PTPRO: variants seen among roughly 807,000 people sequenced by gnomAD.
The protein encoded by PTPRO is protein tyrosine phosphatase receptor type O.
Under a neutral mutation model 145.2 loss-of-function variants are expected in PTPRO, and 62 were observed. The ratio of observed to expected loss-of-function variants is 0.43; its 90% CI spans 0.35 to 0.53. The LOEUF is 0.53. Among genes scored for constraint, PTPRO ranks in the 20% least tolerant of loss-of-function variants. PTPRO has a pLI of 0.01. For missense variants in PTPRO, 1,345 were observed against 1,482.7 expected (o/e 0.91, Z 1.53); for synonymous variants, 565 against 514.7 (o/e 1.10, Z -1.32).
chr12:15,482,821 C>G (rs1055111367), intron 1 of PTPRO, among the ~76,000 whole-genome samples: 11 of 152,014 alleles, frequency 7.2e-5, no homozygotes, highest in African/African-American at 2.7e-4. Flanking sequence ...AGTGTTAGGA[C>G]AGTAAGTTAA....
intron 2 of PTPRO, among the ~76,000 whole-genome samples, chr12:15,487,652 G>A (rs1470381477): frequency 6.6e-6 from 1 of 152,076 alleles, no homozygotes; most frequent in Non-Finnish European, 1.5e-5. Flanking sequence ...ATGAGCATGG[G>A]GTAGAGGCCC....
intron 18 of PTPRO, among the ~76,000 whole-genome samples, chr12:15,566,687 A>G (rs1943907369): frequency 6.6e-6 from 1 of 151,868 alleles, no homozygotes; most frequent in Admixed American, 6.6e-5. Flanking sequence ...TGCCTGGCTG[A>G]TTTTTGTATT....
intron 15 of PTPRO, among the ~76,000 whole-genome samples, chr12:15,553,186 C>T (rs554303179): frequency 2.0e-5 from 3 of 152,190 alleles, no homozygotes; most frequent in South Asian, 4.1e-4. Context: ...AATATTGCTA[C>T]ATATATGACA....
intron 3 of PTPRO, among the ~76,000 whole-genome samples, chr12:15,497,976 C>A (rs769278509): frequency 2.0e-4 from 30 of 151,776 alleles, no homozygotes; most frequent in Non-Finnish European, 3.7e-4. Context: ...AAATCAACTT[C>A]TCTGGGTGGA....
rs557359754 is a variant in PTPRO at position 15,470,992 on chromosome 12, A to G, written c.76-12982A>G. Among the ~76,000 whole-genome samples, 5 of 152,312 alleles carry G rather than the reference A, an allele frequency of 3.3e-5. No homozygotes were observed. In the South Asian group the frequency reaches 1.0e-3, roughly 32 times the overall value. On this transcript the variant is annotated intron_variant, in intron 1 of 26. Transcript: ENST00000281171. The stretch of plus-strand genomic sequence containing the variant: ...GTACCCTCCAGTCTGCTAACATTCC[A>G]TCATTTGTATCCTCTTACACCTGGC...
At chr12:15,583,005 G>A (rs1944353381) in intron 23 of PTPRO, among the ~76,000 whole-genome samples, 1 of 152,140 alleles carries the variant, frequency 6.6e-6, no homozygotes, top group Non-Finnish European at 1.5e-5. Flanking sequence ...TTCTCCACTT[G>A]AACATGCTGT....
Position 15,322,721 on chromosome 12 carries a change from G to T in PTPRO, c.-6G>T. On this transcript the variant is annotated 5_prime_UTR_variant, in exon 1 of 27. Coordinates refer to ENST00000281171, the MANE Select transcript of PTPRO (RefSeq NM_030667.3). The surrounding 1 kb of genome is among the most constrained non-coding windows in gnomAD (Gnocchi z 6.3). ...GCCGTGCCCCCGAGTCCCCGTCCGC[G>T]CAGCGATGGGGCACCTGCCCACGGG... The T allele has an allele frequency of 5.0e-6, 8 of 1,610,666 alleles. No individual in the cohort carries two copies. Among genetic ancestry groups the T allele is most frequent in the Non-Finnish European group, 6.8e-6 (8 of 1,178,718 alleles).
intron 1 of PTPRO, among the ~76,000 whole-genome samples, chr12:15,456,266 T>C (rs2136388099): frequency 6.6e-6 from 1 of 152,310 alleles, no homozygotes; most frequent in South Asian, 2.1e-4. Flanking sequence ...ACATGGTATA[T>C]CACATTAGTT....
intron 1 of PTPRO, among the ~76,000 whole-genome samples, chr12:15,374,302 C>T (rs1400785429): frequency 2.0e-5 from 3 of 152,080 alleles, no homozygotes; most frequent in Non-Finnish European, 4.4e-5. Context: ...TGAGGATTTC[C>T]ATAAATCCAC....
chr12:15,362,003 T>C (rs1339041753), intron 1 of PTPRO, among the ~76,000 whole-genome samples: 1 of 152,150 alleles, frequency 6.6e-6, no homozygotes, highest in African/African-American at 2.4e-5. Flanking sequence ...AACTACAGTG[T>C]CCAAATCATA....
At chr12:15,412,055 C>T (rs1210299050) in intron 1 of PTPRO, among the ~76,000 whole-genome samples, 1 of 152,228 alleles carries the variant, frequency 6.6e-6, no homozygotes, top group African/African-American at 2.4e-5. Context: ...ACGCAGCTCT[C>T]TTCAGACCCT....
chr12:15,448,357 A>AAAAAAAAAAAAAAAAAAAAAAAAAC (rs1565635332), intron 1 of PTPRO, among the ~76,000 whole-genome samples: 1 of 149,540 alleles, frequency 6.7e-6, no homozygotes, highest in Non-Finnish European at 1.5e-5. Flanking sequence ...AAAAAAAAAA[A>AAAAAAAAAAAAAAAAAAAAAAAAAC]AAAGCACCGA....
intron 1 of PTPRO, among the ~76,000 whole-genome samples, chr12:15,332,444 T>C (rs1479072684): frequency 6.6e-6 from 1 of 152,210 alleles, no homozygotes; most frequent in Non-Finnish European, 1.5e-5. Flanking sequence ...CGTAGATATC[T>C]TCCTTACTTT....
intron 1 of PTPRO, among the ~76,000 whole-genome samples, chr12:15,383,670 T>C (rs1938933901): frequency 6.6e-6 from 1 of 152,142 alleles, no homozygotes; most frequent in African/African-American, 2.4e-5. Context: ...ATGCAAAACA[T>C]GCATTGTTTT....
chr12:15,486,655 A>G (rs1182590711), intron 2 of PTPRO, among the ~76,000 whole-genome samples: 3 of 152,066 alleles, frequency 2.0e-5, no homozygotes, highest in Non-Finnish European at 2.9e-5. Context: ...TTATATTCAA[A>G]ATATTATTTC....
intron 1 of PTPRO, among the ~76,000 whole-genome samples, chr12:15,341,806 G>A (rs770055589): frequency 2.6e-5 from 4 of 152,134 alleles, no homozygotes; most frequent in South Asian, 2.1e-4. Flanking sequence ...CAAAAAGGTC[G>A]TAGCATTGTC....
At chr12:15,444,576 C>G (rs1940853707) in intron 1 of PTPRO, among the ~76,000 whole-genome samples, 2 of 151,852 alleles carry the variant, frequency 1.3e-5, no homozygotes, top group South Asian at 4.2e-4. Context: ...ACAATTTATT[C>G]CCCTCCCCCG....
intron 7 of PTPRO, among the ~76,000 whole-genome samples, chr12:15,510,214 C>T (rs1264114910): frequency 1.3e-5 from 2 of 152,080 alleles, no homozygotes; most frequent in Non-Finnish European, 2.9e-5. Flanking sequence ...ATTCAGGAAT[C>T]GTGTTCTTTG....
chr12:15,571,078 G>A (rs981592599), intron 19 of PTPRO, among the ~76,000 whole-genome samples: 2 of 152,164 alleles, frequency 1.3e-5, no homozygotes, highest in East Asian at 3.8e-4. Flanking sequence ...CAAAGAAAAG[G>A]TTGAGTAGCT....
Sources: gnomAD v4.1 joint callset for allele counts (sites outside exome capture counted in the v4.1 genomes callset) on GRCh38, gnomAD v4.1.1 for gene constraint, Gnocchi (gnomAD v3.1) non-coding constraint, MANE v1.5 for transcripts, NCBI Gene and HGNC (gene_info 2026-07-23, HGNC 2026-07-21) for gene names.